Variants in SLC28A3 observed in about 807,000 individuals in gnomAD.
The protein encoded by SLC28A3 is concentrative Na(+)-nucleoside cotransporter 3.
Under a neutral mutation model 84.2 loss-of-function variants are expected in SLC28A3, and 68 were observed. That is an observed-to-expected ratio of 0.81 (90% CI 0.66 to 0.99). SLC28A3 has a LOEUF of 0.99. SLC28A3 is among the 50% of genes least tolerant of loss of function. SLC28A3 has a pLI of 0.00. For missense variants in SLC28A3, 712 were observed against 841.5 expected, an observed-to-expected ratio of 0.85 and a Z score of 1.90; for synonymous variants, 267 against 303.6, an observed-to-expected ratio of 0.88 and a Z score of 1.25.
the SLC28A3 span, among the ~76,000 whole-genome samples, chr9:84,362,622 G>C: frequency 6.7e-6 from 1 of 149,828 alleles, no homozygotes; most frequent in Non-Finnish European, 1.5e-5. Flanking sequence ...GACAGAGTGA[G>C]ACTCTGTTTA....
At chr9:84,346,438 C>T in the SLC28A3 span, among the ~76,000 whole-genome samples, 4 of 152,154 alleles carry the variant, frequency 2.6e-5, no homozygotes, top group Non-Finnish European at 5.9e-5. Context: ...GAATGCTTGT[C>T]CTATGTTGAG....
At chr9:84,366,797 C>T in the SLC28A3 span, among the ~76,000 whole-genome samples, 19 of 152,346 alleles carry the variant, frequency 1.2e-4, no homozygotes, top group African/African-American at 4.3e-4. Context: ...ACACAAGCAC[C>T]TCTGTGGCCA....
chr9:84,359,103 C>T, the SLC28A3 span, among the ~76,000 whole-genome samples: 1 of 152,202 alleles, frequency 6.6e-6, no homozygotes. Context: ...TCCAAGTCAG[C>T]ATCTCCAGCC....
chr9:84,331,144 C>G (rs1327472144), intron 1 of SLC28A3, among the ~76,000 whole-genome samples: 1 of 152,114 alleles, frequency 6.6e-6, no homozygotes, highest in East Asian at 1.9e-4. Context: ...AAAAATAAGT[C>G]TAGGTGTGAT....
rs1424100028 is a variant in SLC28A3, at chr9:84,277,002, A to ATCT, written c.*1213_*1215dup. 1 of 152,220 alleles carries ATCT rather than the reference A, an allele frequency of 6.6e-6. No homozygotes were observed. The highest frequency in any genetic ancestry group is 2.4e-5 in the African/African-American group (1 of 41,458). The allele number at this position is 152,220 out of a possible 1,614,324, so 9.4% of individuals were successfully genotyped here. A position where few individuals can be genotyped will look rare whatever the true frequency, so the allele number is the denominator to read the frequency against. On this transcript the variant is annotated 3_prime_UTR_variant, in exon 18 of 18. Transcript: ENST00000376238. Reference sequence around the variant, plus strand: ...AGAGCACACCACCATTGTCTCTGGAATCTTTTTCTTAGACACTGACACCCA... The same window carrying ATCT: ...AGAGCACACCACCATTGTCTCTGGAATCTTCTTTTTCTTAGACACTGACACCCA...
intron 6 of SLC28A3, among the ~76,000 whole-genome samples, chr9:84,299,188 G>T (rs749061046): frequency 2.0e-4 from 31 of 152,168 alleles, no homozygotes; most frequent in Non-Finnish European, 3.7e-4. Context: ...AATTTTTGGA[G>T]TATAAATGCC....
intron 15 of SLC28A3, 31 bp from the exon 16 acceptor site, chr9:84,280,104 C>A: frequency 6.2e-7 from 1 of 1,600,372 alleles, no homozygotes; most frequent in South Asian, 1.1e-5. Context: ...GATGTGAGAT[C>A]AATGTTGAAG....
intron 8 of SLC28A3, among the ~76,000 whole-genome samples, chr9:84,296,138 CA>C (rs1825405106): frequency 6.6e-6 from 1 of 152,076 alleles, no homozygotes. Context: ...TTATTTTTTC[CA>C]ATTCTGAATT....
chr9:84,347,040 G>A, the SLC28A3 span, among the ~76,000 whole-genome samples: 80 of 151,962 alleles, frequency 5.3e-4, no homozygotes, highest in African/African-American at 1.8e-3. Flanking sequence ...GCCGGACGTG[G>A]TAGTGGGCAC....
At chr9:84,289,062 A>G (rs1243031449) in intron 11 of SLC28A3, among the ~76,000 whole-genome samples, 1 of 151,762 alleles carries the variant, frequency 6.6e-6, no homozygotes, top group East Asian at 1.9e-4. Context: ...TCCCCTTCCT[A>G]CCTGCCCTCA....
At chr9:84,305,188 T>C (rs911883747) in intron 4 of SLC28A3, 66 bp downstream of exon 4, 1 of 1,256,466 alleles carries the variant, frequency 8.0e-7, no homozygotes, top group African/African-American at 1.6e-5. Flanking sequence ...AAGTTAATAT[T>C]TGGGGGAATC....
chr9:84,309,523 CAAAAA>C (rs71366931), intron 3 of SLC28A3, 101 bp downstream of exon 3: 2,907 of 237,714 alleles, frequency 0.012, no homozygotes, highest in East Asian at 0.033. Flanking sequence ...ACTCTTATCT[CAAAAA>C]AAAAAAAAAA....
At chr9:84,299,507 C>A in intron 6 of SLC28A3, 74 bp downstream of exon 6, 1 of 1,565,186 alleles carries the variant, frequency 6.4e-7, no homozygotes, top group South Asian at 1.1e-5. Flanking sequence ...AATTCTCTCA[C>A]AATCAGTATT....
chr9:84,320,494 C>G (rs898379082), intron 1 of SLC28A3, among the ~76,000 whole-genome samples: 3 of 152,132 alleles, frequency 2.0e-5, no homozygotes, highest in African/African-American at 7.2e-5. Context: ...TGATATCACA[C>G]TTTATTATTT....
At chr9:84,346,842 A>G in the SLC28A3 span, among the ~76,000 whole-genome samples, 4 of 152,270 alleles carry the variant, frequency 2.6e-5, no homozygotes, top group Admixed American at 2.6e-4. Flanking sequence ...CCTGTCTGCA[A>G]TTAAAGGATG....
rs1265057071 is a variant in SLC28A3, at chr9:84,340,674, T to C, written c.-41A>G. 1.5e-5 allele frequency: 24 copies of C among 1,612,708 alleles called. No homozygotes were observed. The highest frequency in any genetic ancestry group is 2.0e-5 in the Non-Finnish European group (24 of 1,179,116). ...GGCTGGCTCTGGTCTGGAGGTCCTT[T>C]GTACCTGGGAAAAAGCACCAGTCTC... On this transcript the variant is annotated 5_prime_UTR_variant, in exon 1 of 18. Transcript: ENST00000376238.
the SLC28A3 span, among the ~76,000 whole-genome samples, chr9:84,363,553 G>A: frequency 5.3e-5 from 8 of 152,208 alleles, no homozygotes; most frequent in East Asian, 1.4e-3. Flanking sequence ...CAATATTCAC[G>A]AATTGAATCC....
chr9:84,360,179 CA>C, the SLC28A3 span, among the ~76,000 whole-genome samples: 1 of 151,942 alleles, frequency 6.6e-6, no homozygotes, highest in South Asian at 2.1e-4. Flanking sequence ...TTCTAGGAAC[CA>C]TGGGAAGCCG....
At chr9:84,289,883 A>G (rs1825143766) in intron 11 of SLC28A3, 1 of 260,246 alleles carries the variant, frequency 3.8e-6, no homozygotes, top group East Asian at 7.5e-5. Flanking sequence ...ACAGATTTAA[A>G]TTTTCAACCA....
Sources: allele counts gnomAD v4.1 joint callset (sites outside exome capture counted in the v4.1 genomes callset), GRCh38; gene constraint gnomAD v4.1.1; transcripts MANE v1.5; gene names NCBI Gene and HGNC (gene_info 2026-07-23, HGNC 2026-07-21).